Variants in VEZT observed in about 807,000 individuals in gnomAD.
The protein encoded by VEZT is vezatin, adherens junctions transmembrane protein.
VEZT carries 39 observed loss-of-function variants against 79.9 expected under a neutral mutation model. That is an observed-to-expected ratio of 0.49 (90% CI 0.38 to 0.64). VEZT has a LOEUF of 0.64. Among genes scored for constraint, VEZT ranks in the 30% least tolerant of loss-of-function variants. VEZT has a pLI of 0.00. For synonymous variants in VEZT, 325 were observed against 327.6 expected (o/e 0.99, Z 0.09); for missense variants, 837 against 893.1 (o/e 0.94, Z 0.80).
intron 11 of VEZT, among the ~76,000 whole-genome samples, chr12:95,297,214 T>C (rs1047985719): frequency 2.3e-4 from 35 of 152,216 alleles, no homozygotes; most frequent in Non-Finnish European, 2.9e-5. Flanking sequence ...AGCTTAATAC[T>C]TGACAGTATC....
At chr12:95,254,313 G>C (rs2063096305) in intron 2 of VEZT, among the ~76,000 whole-genome samples, 1 of 147,240 alleles carries the variant, frequency 6.8e-6, no homozygotes, top group Non-Finnish European at 1.5e-5. Flanking sequence ...TTAACTGTAG[G>C]ATCTATATTT....
chr12:95,248,009 A>G (rs1324347138), intron 1 of VEZT, among the ~76,000 whole-genome samples: 1 of 152,180 alleles, frequency 6.6e-6, no homozygotes, highest in Non-Finnish European at 1.5e-5. Context: ...ACTTTGACAA[A>G]TGCTTTGTTA....
At chr12:95,262,505 C>T (rs891141204) in intron 3 of VEZT, 1 of 155,216 alleles carries the variant, frequency 6.4e-6, no homozygotes, top group African/African-American at 2.4e-5. Flanking sequence ...AGGCCTTGAT[C>T]CTGCTAATAA....
chr12:95,296,863 C>G (rs1285481494), intron 11 of VEZT: 1 of 152,178 alleles, frequency 6.6e-6, no homozygotes, highest in Non-Finnish European at 1.5e-5. Flanking sequence ...TCACTTGAAC[C>G]CGGGAGGCGG....
intron 3 of VEZT, among the ~76,000 whole-genome samples, chr12:95,261,238 G>T (rs2064421992): frequency 6.6e-6 from 1 of 152,120 alleles, no homozygotes. Flanking sequence ...GGCCTGGAAT[G>T]TGTGGTGTGG....
chr12:95,241,122 C>G (rs929949143), intron 1 of VEZT, among the ~76,000 whole-genome samples: 17 of 152,132 alleles, frequency 1.1e-4, no homozygotes, highest in African/African-American at 4.1e-4. Flanking sequence ...GCCTCCGCCT[C>G]CCGGGTTCAA....
intron 1 of VEZT, among the ~76,000 whole-genome samples, chr12:95,225,471 G>A (rs559550066): frequency 2.0e-5 from 3 of 152,050 alleles, no homozygotes; most frequent in East Asian, 3.9e-4. Flanking sequence ...GCAGGAGAAT[G>A]GCGTAAACCC....
At position 95,237,357 on chromosome 12, in the gene VEZT, A is replaced by G. The variant is rs548335383; in HGVS notation, c.37-14583A>G. 2.6e-5 allele frequency among the ~76,000 whole-genome samples: 4 copies of G among 152,326 alleles called. No individual in the cohort carries two copies. The South Asian group carries it at 8.3e-4, about 32-fold the overall frequency. Reference sequence around the variant, plus strand: ...ATTCCTGGCCCTGTCTGGGTACTCAATAAATGTTTAGTACTGCTGTTGTTT... The same window carrying G: ...ATTCCTGGCCCTGTCTGGGTACTCAGTAAATGTTTAGTACTGCTGTTGTTT... On this transcript the variant is annotated intron_variant, in intron 1 of 11. Coordinates refer to ENST00000436874, the MANE Select transcript of VEZT (RefSeq NM_017599.4).
At chr12:95,226,347 C>A (rs2058485036) in intron 1 of VEZT, among the ~76,000 whole-genome samples, 1 of 151,142 alleles carries the variant, frequency 6.6e-6, no homozygotes, top group Non-Finnish European at 1.5e-5. Flanking sequence ...GCCAATTTAC[C>A]ATATCTATCT....
At chr12:95,290,824 GTATACACATATACATATA>G (rs926242716) in intron 9 of VEZT, 22 of 152,172 alleles carry the variant, frequency 1.4e-4, no homozygotes, top group African/African-American at 4.8e-4. Context: ...AAATATGTAT[GTATACACATATACATATA>G]TATACACATA....
rs2075248189 is a variant in VEZT at position 95,301,860 on chromosome 12, T to C, written c.*1187T>C. ...AACTTATCACTTTCAGTGAGTAAAT[T>C]TACTTATACCAAAGGGGATTTTTTT... On this transcript the variant is annotated 3_prime_UTR_variant, in exon 12 of 12. Coordinates refer to ENST00000436874, the MANE Select transcript of VEZT (RefSeq NM_017599.4). 1 of 152,196 alleles carries C rather than the reference T, an allele frequency of 6.6e-6. No homozygotes were observed. The allele number at this position is 152,196 out of a possible 1,614,324, so 9.4% of individuals were successfully genotyped here.
At chr12:95,278,348 T>C (rs1008302313) in intron 7 of VEZT, among the ~76,000 whole-genome samples, 5 of 152,200 alleles carry the variant, frequency 3.3e-5, no homozygotes, top group Non-Finnish European at 5.9e-5. Flanking sequence ...CAAACTATAA[T>C]AGTATTTTTA....
chr12:95,251,689 C>G (rs1316523698), intron 1 of VEZT, among the ~76,000 whole-genome samples: 1 of 151,808 alleles, frequency 6.6e-6, no homozygotes, highest in Admixed American at 6.6e-5. Context: ...CTTGCTGGTA[C>G]TCACTCAAAA....
chr12:95,245,638 G>A (rs906666111), intron 1 of VEZT: 1 of 453,082 alleles, frequency 2.2e-6, no homozygotes, highest in African/African-American at 2.0e-5. Context: ...CTTACAACTT[G>A]TTCTATCTAT....
chr12:95,245,772 G>A lies in VEZT; in HGVS notation c.37-6168G>A, dbSNP rs148361967. Reference sequence around the variant, plus strand: ...AGGCAGGAGGATCCCTTGAGGCCAGGAGTTGGAGACCAGCCAGAGAAACAT... The same window carrying A: ...AGGCAGGAGGATCCCTTGAGGCCAGAAGTTGGAGACCAGCCAGAGAAACAT... On this transcript the variant is annotated intron_variant, in intron 1 of 11. Transcript: ENST00000436874. 6.0e-3 allele frequency among the ~76,000 whole-genome samples: 918 copies of A among 152,306 alleles called. 8 individuals are homozygous for A. Among genetic ancestry groups the A allele is most frequent in the Non-Finnish European group, 0.01 (702 of 68,020 alleles).
chr12:95,267,230 A>G (rs2138614338), intron 5 of VEZT, among the ~76,000 whole-genome samples: 1 of 152,328 alleles, frequency 6.6e-6, no homozygotes, highest in South Asian at 2.1e-4. Flanking sequence ...AGTTACATTT[A>G]TTGAGCACCA....
intron 7 of VEZT, among the ~76,000 whole-genome samples, chr12:95,278,074 G>A (rs2068160590): frequency 6.6e-6 from 1 of 152,198 alleles, no homozygotes; most frequent in Non-Finnish European, 1.5e-5. Flanking sequence ...TTTGACTACT[G>A]TGTGGTCCTG....
intron 4 of VEZT, among the ~76,000 whole-genome samples, 160 bp downstream of exon 4, chr12:95,263,241 A>G (rs909209608): frequency 6.6e-6 from 1 of 152,214 alleles, no homozygotes; most frequent in Non-Finnish European, 1.5e-5. Context: ...TTTCTAAAGT[A>G]AATACTATTT....
chr12:95,268,000 C>T (rs967670362), intron 5 of VEZT, among the ~76,000 whole-genome samples: 3 of 151,766 alleles, frequency 2.0e-5, no homozygotes, highest in African/African-American at 4.8e-5. Flanking sequence ...CCAGTTTGGG[C>T]AACAGAACTG....
Sources: gnomAD v4.1 joint callset for allele counts (sites outside exome capture counted in the v4.1 genomes callset) on GRCh38, gnomAD v4.1.1 for gene constraint, MANE v1.5 for transcripts, NCBI Gene and HGNC (gene_info 2026-07-23, HGNC 2026-07-21) for gene names.